ZNF626: variants seen among roughly 807,000 people sequenced by gnomAD.
ZNF626 encodes zinc finger protein 626.
ZNF626 carries 4 observed loss-of-function variants against 11.7 expected under a neutral mutation model. The observed-to-expected ratio is 0.34, with a 90% CI of 0.17 to 0.78. ZNF626 has a LOEUF of 0.78. Among genes scored for constraint, ZNF626 ranks in the 30% least tolerant of loss-of-function variants. The probability of loss-of-function intolerance (pLI) is 0.57; values close to 1 mark genes in which losing one functional copy is unlikely to be tolerated. For missense variants in ZNF626, 588 were observed against 587.1 expected, an observed-to-expected ratio of 1.00 and a Z score of -0.01; for synonymous variants, 179 against 198.6, an observed-to-expected ratio of 0.90 and a Z score of 0.83.
At position 20,625,130 on chromosome 19, in the gene ZNF626, T is replaced by C. The variant is rs1969810569; in HGVS notation, c.747A>G (p.Arg249=). 8 of 1,612,444 alleles carry C rather than the reference T, an allele frequency of 5.0e-6. No homozygotes were observed. The highest frequency in any genetic ancestry group is 5.9e-6 in the Non-Finnish European group (7 of 1,179,876). The part of the protein sequence containing the change: ...KHSSTLTTHK[R]NHTGEKPYKC... The stretch of plus-strand genomic sequence containing the variant: ...TGTAGGGTTTCTCTCCAGTATGATT[T>C]CTCTTATGTGTAGTAAGAGTGGAGG... The change falls in exon 4 of 4, where the codon AGA becomes AGG. Residue 249 remains arginine (R), a synonymous_variant. Coordinates refer to ENST00000601440, the MANE Select transcript of ZNF626 (RefSeq NM_001076675.3).
rs199934829 is a variant in ZNF626, at chr19:20,625,200, T to C, written c.677A>G (p.Glu226Gly). The change falls in exon 4 of 4, where the codon GAG becomes GGG. Residue 226 changes from glutamate to glycine, a missense_variant. Transcript: ENST00000601440. ...LTRHKKIHTGEKPYKCEECGK... is the reference protein window; with the variant it reads ...LTRHKKIHTGGKPYKCEECGK... ...ACATTCTTCACATTTGTAGGGTTTC[T>C]CTCCAGTATGAATTTTCTTATGTCT... 6.2e-7 allele frequency: 1 copy of C among 1,612,110 alleles called. No homozygotes were observed. Among genetic ancestry groups the C allele is most frequent in the Non-Finnish European group, 8.5e-7 (1 of 1,179,880 alleles).
intron 3 of ZNF626, among the ~76,000 whole-genome samples, chr19:20,630,461 A>C (rs568131979): frequency 6.6e-6 from 1 of 151,880 alleles, no homozygotes; most frequent in African/African-American, 2.4e-5. Flanking sequence ...TTCAGCTCCT[A>C]TTATTGGTCT....
intron 1 of ZNF626, among the ~76,000 whole-genome samples, chr19:20,657,820 A>G (rs274806): frequency 0.51 from 77,304 of 151,804 alleles, 22,704 homozygotes; most frequent in African/African-American, 0.81. Context: ...AAACAAAACA[A>G]AAAACAAACA....
intron 3 of ZNF626, among the ~76,000 whole-genome samples, chr19:20,630,249 T>G (rs1231899418): frequency 6.6e-6 from 1 of 152,172 alleles, no homozygotes; most frequent in Non-Finnish European, 1.5e-5. Flanking sequence ...TCTTTTTTGG[T>G]TGGGTCTCTG....
Position 20,646,343 on chromosome 19 carries a change from G to C in ZNF626, c.66C>G (p.Asp22Glu). 6.2e-7 allele frequency: 1 copy of C among 1,614,072 alleles called. No individual in the cohort carries two copies. ...TCCTATATAAATTCCGCTGTGCAGT[G>C]TCCAGGCAATGCCACTCCTCCAGAG... ...EFSLEEWHCLDTAQRNLYRNV... is the reference protein window; with the variant it reads ...EFSLEEWHCLETAQRNLYRNV... Residue 22 changes from aspartate (D) to glutamate (E), a missense_variant, in exon 2 of 4, where the codon GAC (aspartate) becomes GAG (glutamate). This residue lies in a region of ZNF626 where 524 missense variants were observed against 470.1 expected (regional missense o/e 1.11). Transcript: ENST00000601440.
intron 3 of ZNF626, among the ~76,000 whole-genome samples, chr19:20,641,596 CTTGT>C (rs1970025049): frequency 6.6e-6 from 1 of 152,054 alleles, no homozygotes. Flanking sequence ...AAATGAACAG[CTTGT>C]TTATTTTGAG....
At chr19:20,630,525 G>A (rs1248844595) in intron 3 of ZNF626, among the ~76,000 whole-genome samples, 30 of 152,280 alleles carry the variant, frequency 2.0e-4, no homozygotes, top group African/African-American at 7.2e-4. Context: ...TATGTGTCGA[G>A]GAATTTATCC....
chr19:20,626,609 T>C (rs1555769769), intron 3 of ZNF626, among the ~76,000 whole-genome samples: 1 of 151,866 alleles, frequency 6.6e-6, no homozygotes, highest in Non-Finnish European at 1.5e-5. Context: ...TCCCAGCTAC[T>C]TGGGAGGCTG....
intron 1 of ZNF626, among the ~76,000 whole-genome samples, chr19:20,654,418 G>A (rs1450536718): frequency 1.4e-5 from 2 of 147,936 alleles, no homozygotes; most frequent in Non-Finnish European, 3.0e-5. Context: ...ACTCCAGCCT[G>A]GGCAACAGAG....
chr19:20,656,007 ATCTGAAATT>A (rs1970201271), intron 1 of ZNF626, among the ~76,000 whole-genome samples: 2 of 152,134 alleles, frequency 1.3e-5, no homozygotes, highest in African/African-American at 4.8e-5. Context: ...ACTCTTGGAC[ATCTGAAATT>A]AGCACACTGT....
chr19:20,653,086 GCCTGCA>G (rs2144791733), intron 1 of ZNF626, among the ~76,000 whole-genome samples: 1 of 152,222 alleles, frequency 6.6e-6, no homozygotes, highest in African/African-American at 2.4e-5. Flanking sequence ...ACACAATTCG[GCCTGCA>G]CATTTAGGGT....
intron 1 of ZNF626, among the ~76,000 whole-genome samples, chr19:20,655,000 T>C (rs539101806): frequency 6.6e-5 from 10 of 151,660 alleles, no homozygotes; most frequent in African/African-American, 1.2e-4. Flanking sequence ...TAAACCCAGC[T>C]ACTCAGGGTA....
rs782610967 is a variant in ZNF626 at position 20,624,723 on chromosome 19, G to C, written c.1154C>G (p.Thr385Ser). 6.2e-7 allele frequency: 1 copy of C among 1,609,722 alleles called. No homozygotes were observed. Among genetic ancestry groups the C allele is most frequent in the Non-Finnish European group, 8.5e-7 (1 of 1,178,148 alleles). The change falls in exon 4 of 4, where the codon ACT becomes AGT. Residue 385 changes from threonine (T) to serine (S), a missense_variant. This residue lies in a region of ZNF626 where 524 missense variants were observed against 470.1 expected (regional missense o/e 1.11). Transcript: ENST00000601440. ...GKAFKRSSDL[T>S]THKIIHTGEK... ...TCCAGTATGAATTATCTTATGCGTA[G>C]TAAGGTCTGAAGACCGCTTGAAGGC...
At chr19:20,631,215 A>C (rs1184733497) in intron 3 of ZNF626, among the ~76,000 whole-genome samples, 7 of 151,852 alleles carry the variant, frequency 4.6e-5, no homozygotes, top group Admixed American at 4.6e-4. Context: ...ATTTTGAAGT[A>C]GGTGTGGTGT....
At chr19:20,645,119 C>T in intron 3 of ZNF626, 3 of 566,606 alleles carry the variant, frequency 5.3e-6, no homozygotes, top group Non-Finnish European at 7.2e-6. Context: ...TTACATGAAA[C>T]TAAAATAAAC....
chr19:20,650,053 A>T (rs1970128660), intron 1 of ZNF626, among the ~76,000 whole-genome samples: 1 of 152,192 alleles, frequency 6.6e-6, no homozygotes, highest in Non-Finnish European at 1.5e-5. Flanking sequence ...ACACGTACTA[A>T]TGCAATGTTT....
At chr19:20,632,197 G>C (rs1414249222) in intron 3 of ZNF626, among the ~76,000 whole-genome samples, 2 of 152,154 alleles carry the variant, frequency 1.3e-5, no homozygotes, top group African/African-American at 4.8e-5. Flanking sequence ...GATAACCCGA[G>C]CTTTCTCTCT....
At chr19:20,661,393 G>C in intron 1 of ZNF626, 51 bp downstream of exon 1, 1 of 1,612,974 alleles carries the variant, frequency 6.2e-7, no homozygotes. Flanking sequence ...ACTTTTCACC[G>C]GTTCCAACCA....
At chr19:20,641,075 G>A (rs1555771378) in intron 3 of ZNF626, among the ~76,000 whole-genome samples, 1 of 149,908 alleles carries the variant, frequency 6.7e-6, no homozygotes, top group Admixed American at 6.7e-5. Flanking sequence ...GGCAGAGATT[G>A]CAGTTAGACG....
Sources: gnomAD v4.1 joint callset for allele counts (sites outside exome capture counted in the v4.1 genomes callset) on GRCh38, gnomAD v4.1.1 for gene constraint, gnomAD v4.1.1 regional missense constraint, MANE v1.5 for transcripts, NCBI Gene and HGNC (gene_info 2026-07-23, HGNC 2026-07-21) for gene names.